WAC: variants seen among roughly 807,000 people sequenced by gnomAD.
The protein encoded by WAC is WW domain containing adaptor with coiled-coil.
In WAC, 11 loss-of-function variants were observed where a neutral mutation model predicts 79.6. The observed-to-expected ratio is 0.14, with a 90% CI of 0.09 to 0.23. WAC has a LOEUF of 0.23. Ranked by LOEUF, WAC falls within the 10% of genes least tolerant of loss-of-function variation. The pLI is 1.00. For synonymous variants in WAC, 304 were observed against 276.9 expected (o/e 1.10, Z -0.97); for missense variants, 728 against 773.5 (o/e 0.94, Z 0.70).
chr10:28,578,113 C>T (rs909774586), intron 3 of WAC, among the ~76,000 whole-genome samples: 3 of 152,098 alleles, frequency 2.0e-5, no homozygotes, highest in Non-Finnish European at 4.4e-5. Flanking sequence ...GAGTCAAGAT[C>T]GTGCCACTGC....
At chr10:28,550,806 A>G (rs984131739) in intron 3 of WAC, among the ~76,000 whole-genome samples, 4 of 152,222 alleles carry the variant, frequency 2.6e-5, no homozygotes, top group East Asian at 1.9e-4. Context: ...AACTGTAAGC[A>G]TATAAACTTT....
At chr10:28,561,682 C>G (rs80355178) in intron 3 of WAC, among the ~76,000 whole-genome samples, 1,814 of 152,256 alleles carry the variant, frequency 0.012, 21 homozygotes, top group Middle Eastern at 0.027. Context: ...AGACCAGTAC[C>G]TTTCTGTGGC....
intron 3 of WAC, among the ~76,000 whole-genome samples, chr10:28,548,013 C>T (rs1380762039): frequency 1.3e-5 from 2 of 151,566 alleles, no homozygotes; most frequent in South Asian, 2.1e-4. Context: ...CTCCGCCTCC[C>T]GGGTTCAAGG....
intron 3 of WAC, among the ~76,000 whole-genome samples, chr10:28,564,547 A>G (rs569224098): frequency 6.6e-6 from 1 of 152,320 alleles, no homozygotes; most frequent in South Asian, 2.1e-4. Flanking sequence ...ATCATTAGGG[A>G]CAAGGAGAAC....
chr10:28,580,656 C>T (rs1452192556), intron 3 of WAC, among the ~76,000 whole-genome samples: 3 of 152,138 alleles, frequency 2.0e-5, no homozygotes, highest in South Asian at 2.1e-4. Flanking sequence ...TCCCACTCTG[C>T]GAGTAGTGCA....
chr10:28,597,909 G>C (rs1247506922), intron 7 of WAC, among the ~76,000 whole-genome samples: 1 of 152,144 alleles, frequency 6.6e-6, no homozygotes, highest in Non-Finnish European at 1.5e-5. Context: ...CTTTCGTGGA[G>C]ATTTCACTTA....
chr10:28,610,843 A>G (rs1340205388), intron 9 of WAC, 22 bp downstream of exon 9: 2 of 1,557,102 alleles, frequency 1.3e-6, no homozygotes, highest in Non-Finnish European at 1.7e-6. Context: ...CATCTTAGAT[A>G]TCTCTAGAAT....
At chr10:28,599,423 A>C (rs1840531583) in intron 7 of WAC, among the ~76,000 whole-genome samples, 1 of 152,168 alleles carries the variant, frequency 6.6e-6, no homozygotes, top group African/African-American at 2.4e-5. Context: ...GTAGATGCCT[A>C]TACAACAGTG....
At position 28,533,396 on chromosome 10, in the gene WAC, G is replaced by A. The variant is rs1307770738; in HGVS notation, c.-184G>A. 6.2e-6 allele frequency: 1 copy of A among 162,586 alleles called. No homozygotes were observed. The highest frequency in any genetic ancestry group is 1.3e-5 in the Non-Finnish European group (1 of 76,668). The allele number at this position is 162,586 out of a possible 1,614,324, so 10.1% of individuals were successfully genotyped here. On this transcript the variant is annotated 5_prime_UTR_variant, in exon 1 of 14. Coordinates refer to ENST00000354911, the MANE Select transcript of WAC (RefSeq NM_016628.5). Reference sequence around the variant, plus strand: ...CCCGGCTGAGAGTGAGCGTGGTGTCGACGGAGGGAGATGGCCCGGGAGCGC... The same window carrying A: ...CCCGGCTGAGAGTGAGCGTGGTGTCAACGGAGGGAGATGGCCCGGGAGCGC...
chr10:28,589,532 AATTTTGAT>A (rs1839988052), intron 4 of WAC, 196 bp from the exon 5 acceptor site: 1 of 297,198 alleles, frequency 3.4e-6, no homozygotes, highest in Non-Finnish European at 6.2e-6. Context: ...TATTCTGCTT[AATTTTGAT>A]ATTTTATAAA....
intron 3 of WAC, among the ~76,000 whole-genome samples, chr10:28,552,026 T>C (rs1340854950): frequency 6.6e-6 from 1 of 152,124 alleles, no homozygotes; most frequent in African/African-American, 2.4e-5. Flanking sequence ...AGGGTTTCGC[T>C]GGTCTCAAAC....
At chr10:28,564,915 T>C (rs1290896632) in intron 3 of WAC, among the ~76,000 whole-genome samples, 1 of 152,168 alleles carries the variant, frequency 6.6e-6, no homozygotes. Context: ...ATGAATACGT[T>C]AAGGTGACTA....
intron 3 of WAC, among the ~76,000 whole-genome samples, chr10:28,543,497 CAT>C (rs1837176100): frequency 6.6e-6 from 1 of 152,228 alleles, no homozygotes; most frequent in Non-Finnish European, 1.5e-5. Context: ...TTAATTGCCA[CAT>C]GTGAATGATG....
At chr10:28,535,964 C>A (rs1836643115) in intron 3 of WAC, 2 of 434,762 alleles carry the variant, frequency 4.6e-6, no homozygotes, top group African/African-American at 2.1e-5. Flanking sequence ...CTCTTAAGGC[C>A]AGGCGCGGTG....
At chr10:28,556,707 A>G (rs1016041678) in intron 3 of WAC, among the ~76,000 whole-genome samples, 2 of 151,818 alleles carry the variant, frequency 1.3e-5, no homozygotes, top group African/African-American at 4.8e-5. Flanking sequence ...TTATATTTTC[A>G]GTTGTTATTC....
chr10:28,551,100 TAGG>T (rs1170736662), intron 3 of WAC, among the ~76,000 whole-genome samples: 1 of 152,112 alleles, frequency 6.6e-6, no homozygotes, highest in Non-Finnish European at 1.5e-5. Flanking sequence ...GGTAGAATAA[TAGG>T]GGGGATATTT....
At chr10:28,552,393 C>T (rs906736222) in intron 3 of WAC, among the ~76,000 whole-genome samples, 2 of 152,238 alleles carry the variant, frequency 1.3e-5, no homozygotes, top group Non-Finnish European at 1.5e-5. Flanking sequence ...AGCGCTGTTT[C>T]TTCCTTATGA....
At chr10:28,535,334 G>GTTTTTTTTTTT in intron 2 of WAC, 2 of 349,466 alleles carry the variant, frequency 5.7e-6, no homozygotes, top group Admixed American at 4.7e-5. Flanking sequence ...TAATGGAGTG[G>GTTTTTTTTTTT]GTTTTTTTTG....
intron 3 of WAC, among the ~76,000 whole-genome samples, chr10:28,573,417 T>C (rs967990564): frequency 6.6e-6 from 1 of 152,148 alleles, no homozygotes; most frequent in African/African-American, 2.4e-5. Context: ...GACTGGCTTC[T>C]TTCACTTAGT....
Sources: allele counts gnomAD v4.1 joint callset (sites outside exome capture counted in the v4.1 genomes callset), GRCh38; gene constraint gnomAD v4.1.1; transcripts MANE v1.5; gene names NCBI Gene and HGNC (gene_info 2026-07-23, HGNC 2026-07-21).